TMEM108: variants seen among roughly 807,000 people sequenced by gnomAD.
TMEM108 encodes cancer/testis antigen 124.
Under a neutral mutation model 35.1 loss-of-function variants are expected in TMEM108, and 12 were observed. The ratio of observed to expected loss-of-function variants is 0.34; its 90% confidence interval spans 0.22 to 0.55. TMEM108 has a LOEUF of 0.55. Ranked by LOEUF, TMEM108 falls within the 20% of genes least tolerant of loss-of-function variation. The pLI is 0.89. For missense variants in TMEM108, 680 were observed against 753.3 expected, an observed-to-expected ratio of 0.90 and a Z score of 1.14; for synonymous variants, 287 against 308.6, an observed-to-expected ratio of 0.93 and a Z score of 0.73.
chr3:133,394,988 G>A (rs987785055), intron 5 of TMEM108, among the ~76,000 whole-genome samples: 1 of 152,220 alleles, frequency 6.6e-6, no homozygotes, highest in African/African-American at 2.4e-5. Flanking sequence ...TGTTTTAATT[G>A]GAAGAAGCTA....
chr3:133,204,110 A>G (rs547330260), intron 2 of TMEM108, among the ~76,000 whole-genome samples: 2 of 151,946 alleles, frequency 1.3e-5, no homozygotes, highest in East Asian at 3.9e-4. Context: ...CTCTGATGGT[A>G]GTTTGTATTT....
At chr3:133,220,580 A>G (rs1487047984) in intron 2 of TMEM108, among the ~76,000 whole-genome samples, 2 of 152,184 alleles carry the variant, frequency 1.3e-5, no homozygotes, top group African/African-American at 4.8e-5. Context: ...CATTTGAATA[A>G]ATTTATGTAT....
At chr3:133,145,592 C>T (rs1035058855) in intron 2 of TMEM108, among the ~76,000 whole-genome samples, 8 of 152,178 alleles carry the variant, frequency 5.3e-5, no homozygotes, top group Non-Finnish European at 7.3e-5. Flanking sequence ...TCTTCCTAAC[C>T]ATGAGCATAG....
intron 2 of TMEM108, among the ~76,000 whole-genome samples, chr3:133,095,405 A>G (rs1341440252): frequency 6.6e-6 from 1 of 152,218 alleles, no homozygotes; most frequent in African/African-American, 2.4e-5. Context: ...GGTTTCATGG[A>G]AGACAGCTTT....
rs530329852 is a variant in TMEM108 at position 133,315,395 on chromosome 3, AAC to A, written c.41-64353_41-64352del. 2.4e-3 allele frequency among the ~76,000 whole-genome samples: 372 copies of A among 152,278 alleles called. 1 individual carries two copies. The highest frequency in any genetic ancestry group is 8.5e-3 in the African/African-American group (352 of 41,554). On this transcript the variant is annotated intron_variant, in intron 3 of 5. Transcript: ENST00000321871. The stretch of plus-strand genomic sequence containing the variant: ...ATTTTGTTACCTTAAATGACTTTGA[AAC>A]ACAGAAAGCCCTGAGGACCACACCT...
intron 2 of TMEM108, among the ~76,000 whole-genome samples, chr3:133,155,773 T>C (rs2107772873): frequency 6.6e-6 from 1 of 152,246 alleles, no homozygotes; most frequent in South Asian, 2.1e-4. Flanking sequence ...AGTTTGCAGA[T>C]ATTTTCTCCC....
At chr3:133,307,972 T>C (rs374243040) in intron 3 of TMEM108, among the ~76,000 whole-genome samples, 155 of 152,314 alleles carry the variant, frequency 1.0e-3, no homozygotes, top group African/African-American at 3.7e-3. Context: ...TTTCACGATA[T>C]TGATTCTTCC....
intron 3 of TMEM108, among the ~76,000 whole-genome samples, chr3:133,301,539 G>T (rs1185381320): frequency 6.6e-6 from 1 of 152,130 alleles, no homozygotes; most frequent in Non-Finnish European, 1.5e-5. Flanking sequence ...CATTTGCAGA[G>T]CCTTTTGTGT....
intron 3 of TMEM108, among the ~76,000 whole-genome samples, chr3:133,357,200 C>G (rs2072198507): frequency 6.6e-6 from 1 of 152,132 alleles, no homozygotes; most frequent in South Asian, 2.1e-4. Flanking sequence ...TACTAATCAT[C>G]AGGGAAATGC....
chr3:133,227,557 A>T (rs576773389), intron 2 of TMEM108, among the ~76,000 whole-genome samples: 174 of 151,780 alleles, frequency 1.1e-3, no homozygotes, highest in African/African-American at 4.1e-3. Context: ...ATTAAAAAAA[A>T]CACTTGAAAA....
chr3:133,296,759 A>G (rs113047041), intron 3 of TMEM108, among the ~76,000 whole-genome samples: 23 of 152,322 alleles, frequency 1.5e-4, no homozygotes, highest in African/African-American at 5.5e-4. Context: ...TAGAAGGATT[A>G]GGAGCACACA....
chr3:133,242,823 T>A (rs1323298113), intron 3 of TMEM108, among the ~76,000 whole-genome samples: 1 of 152,184 alleles, frequency 6.6e-6, no homozygotes, highest in Non-Finnish European at 1.5e-5. Flanking sequence ...ACACAACTAT[T>A]TTTCCACAGA....
intron 3 of TMEM108, among the ~76,000 whole-genome samples, chr3:133,347,589 G>A (rs1174357918): frequency 6.6e-6 from 1 of 152,010 alleles, no homozygotes; most frequent in Non-Finnish European, 1.5e-5. Context: ...TGCAAACAAA[G>A]TTTTATTTAT....
chr3:133,288,862 A>G (rs1223445782), intron 3 of TMEM108, among the ~76,000 whole-genome samples: 5 of 151,882 alleles, frequency 3.3e-5, no homozygotes, highest in East Asian at 1.9e-4. Context: ...CAGCCTCCCA[A>G]CTAGCTGGGA....
At chr3:133,391,050 A>T (rs1366307435) in intron 5 of TMEM108, among the ~76,000 whole-genome samples, 1 of 152,138 alleles carries the variant, frequency 6.6e-6, no homozygotes, top group African/African-American at 2.4e-5. Flanking sequence ...AACAGTAAAG[A>T]AGGATAAAGG....
chr3:133,270,018 A>G (rs536564812), intron 3 of TMEM108, among the ~76,000 whole-genome samples: 1 of 152,348 alleles, frequency 6.6e-6, no homozygotes, highest in South Asian at 2.1e-4. Flanking sequence ...CTTGTGAAAG[A>G]TAAACCTCTT....
intron 2 of TMEM108, among the ~76,000 whole-genome samples, chr3:133,154,045 A>T (rs13078192): frequency 8.0e-5 from 12 of 150,202 alleles, no homozygotes; most frequent in Admixed American, 1.3e-4. Context: ...TTCGTTTTTT[A>T]AAAAAAAATT....
At chr3:133,042,766 G>A (rs914948654) in intron 1 of TMEM108, among the ~76,000 whole-genome samples, 5 of 152,226 alleles carry the variant, frequency 3.3e-5, no homozygotes, top group African/African-American at 1.2e-4. Context: ...AGGTAACAGA[G>A]CTAGTTAGTG....
At chr3:133,171,420 A>G (rs561249399) in intron 2 of TMEM108, among the ~76,000 whole-genome samples, 14 of 152,200 alleles carry the variant, frequency 9.2e-5, no homozygotes, top group Non-Finnish European at 1.9e-4. Context: ...TCTGTCACCT[A>G]TGCTGGAGTG....
Sources: gnomAD v4.1 joint callset for allele counts (sites outside exome capture counted in the v4.1 genomes callset) on GRCh38, gnomAD v4.1.1 for gene constraint, MANE v1.5 for transcripts, NCBI Gene and HGNC (gene_info 2026-07-23, HGNC 2026-07-21) for gene names.